ZNF473: variants seen among roughly 807,000 people sequenced by gnomAD.
ZNF473 encodes the protein zinc finger protein 473.
ZNF473 carries 4 observed loss-of-function variants against 11.1 expected under a neutral mutation model. That is an observed-to-expected ratio of 0.36 (90% CI 0.18 to 0.82). The LOEUF is 0.82. Ranked by LOEUF, ZNF473 falls within the 40% of genes least tolerant of loss-of-function variation. The probability of loss-of-function intolerance (pLI) is 0.49; values close to 1 mark genes in which losing one functional copy is unlikely to be tolerated. For missense variants in ZNF473, 854 were observed against 1,084.0 expected (o/e 0.79, Z 2.98); for synonymous variants, 404 against 390.4 (o/e 1.03, Z -0.41).
At chr19:50,026,817 T>C (rs1346432144) in intron 1 of ZNF473, among the ~76,000 whole-genome samples, 1 of 151,974 alleles carries the variant, frequency 6.6e-6, no homozygotes, top group African/African-American at 2.4e-5. Context: ...AAAAGAAAAC[T>C]GCTAAAGGGG....
At chr19:50,035,260 T>A (rs2077338947) in intron 2 of ZNF473, among the ~76,000 whole-genome samples, 1 of 151,804 alleles carries the variant, frequency 6.6e-6, no homozygotes, top group Non-Finnish European at 1.5e-5. Flanking sequence ...ACCACTGCAC[T>A]CCAGCCTGGG....
rs188121021 is a variant in ZNF473 at position 50,044,021 on chromosome 19, G to C, written c.227-649G>C. ...TACACTCATTTCTTTTCTCCAGGCA[G>C]GAAGCCATGGAAGGGTTTAATCAGA... is the stretch of plus-strand genomic sequence containing the variant. On this transcript the variant is annotated intron_variant, in intron 4 of 4. Transcript: ENST00000270617. 5.9e-5 allele frequency among the ~76,000 whole-genome samples: 9 copies of C among 152,232 alleles called. No homozygotes were observed. The East Asian group carries it at 1.7e-3, about 30-fold the overall frequency.
chr19:50,037,692 C>T (rs1473474073), intron 2 of ZNF473, among the ~76,000 whole-genome samples: 1 of 151,288 alleles, frequency 6.6e-6, no homozygotes, highest in Non-Finnish European at 1.5e-5. Flanking sequence ...TCTGGTGGCA[C>T]AAGCCTGTAG....
In ZNF473 at chr19:50,046,497, A is replaced by G. The variant is rs1979131704; in HGVS notation, c.2054A>G (p.Gln685Arg). Residue 685 changes from glutamine (Q) to arginine (R), a missense_variant, in exon 5 of 5, where the codon CAG becomes CGG. Around this residue, in one of 2 missense-constraint regions of ZNF473, gnomAD observed 186 missense variants for 293.8 expected, o/e 0.63. Coordinates refer to ENST00000270617, the MANE Select transcript of ZNF473 (RefSeq NM_015428.4). This position sits in a 1 kb window ranked among gnomAD's most constrained non-coding sequence, Gnocchi z 5.9. ...KCSKCDRVFT[Q>R]RNYLVQHERT... is the part of the protein sequence containing the mutation. ...AGTAAGTGTGACAGAGTCTTCACCC[A>G]GAGAAACTACCTTGTTCAGCATGAG... 1.9e-6 allele frequency: 3 copies of G among 1,614,136 alleles called. No individual in the cohort carries two copies. Among genetic ancestry groups the G allele is most frequent in the African/African-American group, 1.3e-5 (1 of 74,948 alleles).
intron 1 of ZNF473, among the ~76,000 whole-genome samples, chr19:50,028,819 CA>C (rs899647062): frequency 3.3e-5 from 5 of 152,124 alleles, no homozygotes; most frequent in Admixed American, 1.3e-4. Flanking sequence ...CATTATGGGC[CA>C]AATATCTGTC....
At chr19:50,031,975 C>A (rs2077320640) in intron 2 of ZNF473, among the ~76,000 whole-genome samples, 1 of 151,946 alleles carries the variant, frequency 6.6e-6, no homozygotes, top group African/African-American at 2.4e-5. Flanking sequence ...TGCCACAGTC[C>A]TACCTCCCTC....
chr19:50,030,998 C>G lies in ZNF473; in HGVS notation c.-85C>G. The stretch of plus-strand genomic sequence containing the variant: ...GGAAGGGAGGCTTTCTCACAGCTCC[C>G]TTGTGCTTCCCACAGCCCTGCCAGC... On this transcript the variant is annotated 5_prime_UTR_variant, in exon 2 of 5. Transcript: ENST00000270617. The G allele has an allele frequency of 6.5e-7, 1 of 1,544,460 alleles. No individual in the cohort carries two copies. Among genetic ancestry groups the G allele is most frequent in the African/African-American group, 1.4e-5 (1 of 72,978 alleles).
chr19:50,046,703 G>A lies in ZNF473; in HGVS notation c.2260G>A (p.Gly754Arg). ...TGTCCGCCACCAGAGAATTCACACT[G>A]GAGAAAAGCCTTATGTTTGTCAGGA... ...ELVRHQRIHTGEKPYVCQECG... is the reference protein window; with the variant it reads ...ELVRHQRIHTREKPYVCQECG... The change falls in exon 5 of 5, where the codon GGA (glycine) becomes AGA (arginine). Residue 754 changes from glycine (G) to arginine (R), a missense_variant. This residue lies in a region of ZNF473 where 186 missense variants were observed against 293.8 expected (regional missense o/e 0.63). Coordinates refer to ENST00000270617, the MANE Select transcript of ZNF473 (RefSeq NM_015428.4). The surrounding 1 kb of genome is among the most constrained non-coding windows in gnomAD (Gnocchi z 5.9). The A allele has an allele frequency of 6.2e-7, 1 of 1,614,176 alleles. No individual in the cohort carries two copies. Among genetic ancestry groups the A allele is most frequent in the East Asian group, 2.2e-5 (1 of 44,880 alleles).
chr19:50,027,622 A>C (rs1468722039), intron 1 of ZNF473, among the ~76,000 whole-genome samples: 1 of 152,116 alleles, frequency 6.6e-6, no homozygotes, highest in African/African-American at 2.4e-5. Flanking sequence ...GGCCAGGCAG[A>C]TGACATACAG....
chr19:50,026,884 G>T (rs1246559550), intron 1 of ZNF473, among the ~76,000 whole-genome samples: 1 of 152,190 alleles, frequency 6.6e-6, no homozygotes, highest in African/African-American at 2.4e-5. Flanking sequence ...TTTGGTTTTG[G>T]TTGGGGAAGG....
rs774840712 is a variant in ZNF473, at chr19:50,045,344, C to G, written c.901C>G (p.Pro301Ala). 3.2e-5 allele frequency: 51 copies of G among 1,614,040 alleles called. No individual in the cohort carries two copies. The highest frequency in any genetic ancestry group is 4.2e-5 in the Non-Finnish European group (50 of 1,180,038). ...PCKSQDSDHP[P>A]SHDTQPGEHQ... ...TAAGAGTCAAGATAGTGACCACCCA[C>G]CCAGTCATGACACACAGCCTGGTGA... The change falls in exon 5 of 5, where the codon CCC becomes GCC. Residue 301 changes from proline (P) to alanine (A), a missense_variant. Around this residue, in one of 2 missense-constraint regions of ZNF473, gnomAD observed 668 missense variants for 790.2 expected, o/e 0.85. Coordinates refer to ENST00000270617, the MANE Select transcript of ZNF473 (RefSeq NM_015428.4).
chr19:50,045,921 A>G lies in ZNF473; in HGVS notation c.1478A>G (p.Lys493Arg). The change falls in exon 5 of 5, where the codon AAG becomes AGG. Residue 493 changes from lysine (K) to arginine (R), a missense_variant. Lys to Arg is a conservative substitution (Grantham distance 26). Coordinates refer to ENST00000270617, the MANE Select transcript of ZNF473 (RefSeq NM_015428.4). Reference protein sequence around the residue: ...AEKPYSCAECKETFSDNNRLV... With the variant: ...AEKPYSCAECRETFSDNNRLV... ...AAGCCCTATAGCTGTGCTGAATGCA[A>G]GGAGACTTTCAGCGATAACAATCGC... The G allele has an allele frequency of 6.2e-7, 1 of 1,614,204 alleles. No individual in the cohort carries two copies. Among genetic ancestry groups the G allele is most frequent in the Non-Finnish European group, 8.5e-7 (1 of 1,180,040 alleles).
chr19:50,032,115 T>C (rs1338398213), intron 2 of ZNF473, among the ~76,000 whole-genome samples: 2 of 150,116 alleles, frequency 1.3e-5, no homozygotes, highest in African/African-American at 2.5e-5. Context: ...TCTGACCTTG[T>C]CACTTTCCTG....
rs373556311 is a variant in ZNF473 at position 50,046,101 on chromosome 19, A to G, written c.1658A>G (p.Gln553Arg). ...TTTGTGAGTGGGAAGATCTTGGATCAGAACCCAGAACAGAAAGAGAAGTGC... is the reference window on the plus strand; with the variant it reads ...TTTGTGAGTGGGAAGATCTTGGATCGGAACCCAGAACAGAAAGAGAAGTGC... ...GFFVSGKILD[Q>R]NPEQKEKCFK... Residue 553 changes from glutamine to arginine, a missense_variant, in exon 5 of 5, where the codon CAG (glutamine) becomes CGG (arginine). Physicochemically the swap from Gln to Arg is conservative, Grantham distance 43. Coordinates refer to ENST00000270617, the MANE Select transcript of ZNF473 (RefSeq NM_015428.4). The surrounding 1 kb of genome is among the most constrained non-coding windows in gnomAD (Gnocchi z 5.9). The G allele has an allele frequency of 2.0e-5, 32 of 1,614,138 alleles. No individual in the cohort carries two copies. The African/African-American group carries it at 2.7e-4, about 13-fold the overall frequency.
intron 4 of ZNF473, 102 bp downstream of exon 4, chr19:50,041,921 G>A (rs1041127941): frequency 8.6e-6 from 8 of 929,960 alleles, no homozygotes; most frequent in African/African-American, 5.2e-5. Context: ...ACATTACAAC[G>A]CTCAGCTTCA....
Position 50,048,489 on chromosome 19 carries a change from C to G in ZNF473, c.*1430C>G, listed in dbSNP as rs1432804457. 2 of 152,220 alleles carry G rather than the reference C, an allele frequency of 1.3e-5. No individual in the cohort carries two copies. Among genetic ancestry groups the G allele is most frequent in the Non-Finnish European group, 2.9e-5 (2 of 68,036 alleles). The allele number at this position is 152,220 out of a possible 1,614,324, so 9.4% of individuals were successfully genotyped here. A position where few individuals can be genotyped will look rare whatever the true frequency, so the allele number is the denominator to read the frequency against. ...TGAAACTGGGAACCTGTTGGCTAAC[C>G]ATTGGGGCCTTACACTGTTTTTCAA... On this transcript the variant is annotated 3_prime_UTR_variant, in exon 5 of 5. Coordinates refer to ENST00000270617, the MANE Select transcript of ZNF473 (RefSeq NM_015428.4).
chr19:50,032,958 C>T (rs2077325571), intron 2 of ZNF473, among the ~76,000 whole-genome samples: 3 of 152,138 alleles, frequency 2.0e-5, no homozygotes, highest in South Asian at 2.1e-4. Flanking sequence ...CAACTTCAGT[C>T]GTTTTGGATT....
At position 50,045,270 on chromosome 19, in the gene ZNF473, A is replaced by C; in HGVS notation, c.827A>C (p.Gln276Pro). 2 of 1,614,222 alleles carry C rather than the reference A, an allele frequency of 1.2e-6. No homozygotes were observed. Among genetic ancestry groups the C allele is most frequent in the Non-Finnish European group, 1.7e-6 (2 of 1,180,038 alleles). Reference protein sequence around the residue: ...VCNEYGTTFSQSTYLWHQKTH... With the variant: ...VCNEYGTTFSPSTYLWHQKTH... ...AATGAATATGGGACAACTTTTAGTC[A>C]GAGTACATACCTGTGGCATCAGAAA... The change falls in exon 5 of 5, where the codon CAG (glutamine) becomes CCG (proline). Residue 276 changes from glutamine (Q) to proline (P), a missense_variant. Gln to Pro is a moderately conservative substitution (Grantham distance 76). Around this residue, in one of 2 missense-constraint regions of ZNF473, gnomAD observed 668 missense variants for 790.2 expected, o/e 0.85. Coordinates refer to ENST00000270617, the MANE Select transcript of ZNF473 (RefSeq NM_015428.4).
In ZNF473 at chr19:50,040,934, C is replaced by T. The variant is rs372716588; in HGVS notation, c.137-796C>T. On this transcript the variant is annotated intron_variant, in intron 3 of 4. Transcript: ENST00000270617. ...CCCACAGTAAGAAGTGTGTTTACCT[C>T]GACTGCCCCTTCACCCATTTGTGTG... is the stretch of plus-strand genomic sequence containing the variant. 2.8e-4 allele frequency among the ~76,000 whole-genome samples: 43 copies of T among 152,322 alleles called. No individual in the cohort carries two copies. The East Asian group carries it at 6.9e-3, about 25-fold the overall frequency.
Sources: gnomAD v4.1 joint callset for allele counts (sites outside exome capture counted in the v4.1 genomes callset) on GRCh38, gnomAD v4.1.1 for gene constraint, gnomAD v4.1.1 regional missense constraint, Gnocchi (gnomAD v3.1) non-coding constraint, MANE v1.5 for transcripts, NCBI Gene and HGNC (gene_info 2026-07-23, HGNC 2026-07-21) for gene names.